SMIM14: variants seen among roughly 807,000 people sequenced by gnomAD.
SMIM14 encodes small integral membrane protein 14.
A neutral mutation model predicts 12.6 loss-of-function variants in SMIM14; 5 were observed. The observed-to-expected ratio is 0.40, with a 90% CI of 0.21 to 0.83. The LOEUF is 0.83. Among genes scored for constraint, SMIM14 ranks in the 40% least tolerant of loss-of-function variants. The pLI is 0.37. For synonymous variants in SMIM14, 30 were observed against 40.1 expected (o/e 0.75, Z 0.95); for missense variants, 86 against 119.1 (o/e 0.72, Z 1.29).
At chr4:39,556,348 T>G in intron 4 of SMIM14, 80 bp downstream of exon 4, 2 of 1,340,990 alleles carry the variant, frequency 1.5e-6, no homozygotes, top group South Asian at 1.5e-5. Context: ...TTAGGTGTTT[T>G]AGTCAAAACC....
chr4:39,585,221 T>C (rs970072746), intron 2 of SMIM14, among the ~76,000 whole-genome samples: 1 of 152,052 alleles, frequency 6.6e-6, no homozygotes, highest in South Asian at 2.1e-4. Flanking sequence ...GAAAGGGACA[T>C]GTTTACATTT....
chr4:39,585,330 CTT>C (rs1266974265), intron 2 of SMIM14, among the ~76,000 whole-genome samples: 2 of 150,960 alleles, frequency 1.3e-5, no homozygotes, highest in Non-Finnish European at 3.0e-5. Context: ...GAGTTTTGCT[CTT>C]GTTGCCCAGG....
chr4:39,611,533 G>A (rs1434765799), intron 1 of SMIM14, among the ~76,000 whole-genome samples: 1 of 151,638 alleles, frequency 6.6e-6, no homozygotes, highest in African/African-American at 2.4e-5. Context: ...AATTAGCCAG[G>A]AATGGTGGTA....
intron 1 of SMIM14, among the ~76,000 whole-genome samples, chr4:39,613,657 T>C (rs977305512): frequency 6.6e-6 from 1 of 152,184 alleles, no homozygotes; most frequent in South Asian, 2.1e-4. Context: ...ATCAGAATTT[T>C]AGTACATCTG....
At chr4:39,604,779 T>C (rs1714743427) in intron 2 of SMIM14, among the ~76,000 whole-genome samples, 1 of 151,782 alleles carries the variant, frequency 6.6e-6, no homozygotes. Flanking sequence ...CCTGGCAAAT[T>C]TTTATATTTT....
rs1747362831 is a variant in SMIM14 at position 39,546,780 on chromosome 4, A to C, written c.*5346T>G. 1 of 152,238 alleles carries C rather than the reference A, an allele frequency of 6.6e-6. No individual in the cohort carries two copies. 9.4% of individuals were successfully genotyped at this position (152,238 alleles called of 1,614,324 possible). ...CAAATTTATCTATTTTAAATATAAC[A>C]CTGAAGTTATTACATAAACACTGAC... On this transcript the variant is annotated 3_prime_UTR_variant, in exon 5 of 5. Transcript: ENST00000295958.
intron 1 of SMIM14, among the ~76,000 whole-genome samples, chr4:39,633,231 T>G (rs1469496486): frequency 6.6e-6 from 1 of 150,708 alleles, no homozygotes; most frequent in East Asian, 2.0e-4. Context: ...GAGGCAGAGG[T>G]TACAGTGAGC....
At chr4:39,612,592 T>C (rs1715080521) in intron 1 of SMIM14, among the ~76,000 whole-genome samples, 1 of 152,216 alleles carries the variant, frequency 6.6e-6, no homozygotes, top group Non-Finnish European at 1.5e-5. Context: ...GATATTTTAC[T>C]AAGATTTTCT....
At chr4:39,622,979 A>G (rs1422248693) in intron 1 of SMIM14, among the ~76,000 whole-genome samples, 1 of 152,218 alleles carries the variant, frequency 6.6e-6, no homozygotes, top group Non-Finnish European at 1.5e-5. Context: ...ACGGTTACAG[A>G]TTAAAACAAA....
At chr4:39,579,181 G>A (rs1160605166) in intron 2 of SMIM14, among the ~76,000 whole-genome samples, 1 of 151,856 alleles carries the variant, frequency 6.6e-6, no homozygotes, top group Non-Finnish European at 1.5e-5. Context: ...GGCTGAGGTG[G>A]GAAGATCGCT....
chr4:39,562,476 G>C (rs1712359232), intron 3 of SMIM14, among the ~76,000 whole-genome samples: 1 of 151,976 alleles, frequency 6.6e-6, no homozygotes. Flanking sequence ...ACTGCCTACT[G>C]TTTCAACTCT....
intron 2 of SMIM14, among the ~76,000 whole-genome samples, chr4:39,575,142 C>T (rs1198681448): frequency 5.1e-5 from 7 of 137,850 alleles, no homozygotes; most frequent in South Asian, 4.7e-4. Flanking sequence ...AGATGAGTGG[C>T]GCAATCACAG....
chr4:39,557,203 G>C (rs1171455961), intron 3 of SMIM14, among the ~76,000 whole-genome samples: 1 of 151,888 alleles, frequency 6.6e-6, no homozygotes, highest in African/African-American at 2.4e-5. Flanking sequence ...GTTGAGACGG[G>C]GTTTCACCAT....
intron 2 of SMIM14, among the ~76,000 whole-genome samples, chr4:39,599,945 A>G (rs1282435791): frequency 1.3e-5 from 2 of 152,038 alleles, no homozygotes; most frequent in Non-Finnish European, 2.9e-5. Context: ...AAAAAAAAAA[A>G]AAAAAAGAAA....
intron 2 of SMIM14, among the ~76,000 whole-genome samples, chr4:39,597,239 C>T (rs1265563686): frequency 1.3e-5 from 2 of 151,852 alleles, no homozygotes; most frequent in Non-Finnish European, 1.5e-5. Context: ...AAATGTCCTA[C>T]TAGACACTCA....
intron 2 of SMIM14, among the ~76,000 whole-genome samples, chr4:39,583,235 C>T (rs1713609608): frequency 6.6e-6 from 1 of 152,010 alleles, no homozygotes; most frequent in African/African-American, 2.4e-5. Context: ...ACTATAGGCA[C>T]ATGCCACCAC....
intron 2 of SMIM14, among the ~76,000 whole-genome samples, chr4:39,598,523 G>C (rs1482297742): frequency 3.3e-5 from 5 of 152,038 alleles, no homozygotes; most frequent in Non-Finnish European, 7.4e-5. Flanking sequence ...ATGAAGATCT[G>C]CTTCTCCTCC....
At chr4:39,591,279 G>A (rs1352870458) in intron 2 of SMIM14, among the ~76,000 whole-genome samples, 1 of 152,016 alleles carries the variant, frequency 6.6e-6, no homozygotes, top group Non-Finnish European at 1.5e-5. Context: ...AGGGCCAACT[G>A]TATTAGATTA....
rs113552621 is a variant in SMIM14, at chr4:39,546,396, A to G, written c.*5730T>C. ...TTGTCTGAGAAGAGATACGCACACT[A>G]AAGTCCCCTACAAGCAACTAATGGG... On this transcript the variant is annotated 3_prime_UTR_variant, in exon 5 of 5. Transcript: ENST00000295958. 1.3e-5 allele frequency: 2 copies of G among 152,224 alleles called. No individual in the cohort carries two copies. Among genetic ancestry groups the G allele is most frequent in the East Asian group, 1.9e-4 (1 of 5,202 alleles). 9.4% of individuals were successfully genotyped at this position (152,224 alleles called of 1,614,324 possible).
Sources: gnomAD v4.1 joint callset for allele counts (sites outside exome capture counted in the v4.1 genomes callset) on GRCh38, gnomAD v4.1.1 for gene constraint, MANE v1.5 for transcripts, NCBI Gene and HGNC (gene_info 2026-07-23, HGNC 2026-07-21) for gene names.